Variants in ST3GAL3 observed in about 807,000 individuals in gnomAD.
The protein encoded by ST3GAL3 is ST3 beta-galactoside alpha-2,3-sialyltransferase 3.
Under a neutral mutation model 50.1 loss-of-function variants are expected in ST3GAL3, and 21 were observed. That is an observed-to-expected ratio of 0.42 (90% CI 0.30 to 0.60). ST3GAL3 has a LOEUF of 0.60. Among genes scored for constraint, ST3GAL3 ranks in the 20% least tolerant of loss-of-function variants. ST3GAL3 has a pLI of 0.19. For missense variants in ST3GAL3, 353 were observed against 489.4 expected, an observed-to-expected ratio of 0.72 and a Z score of 2.63; for synonymous variants, 183 against 190.0, an observed-to-expected ratio of 0.96 and a Z score of 0.30.
In ST3GAL3 at chr1:43,917,855, A is replaced by G. The variant is rs1471628261; in HGVS notation, c.745-2549A>G. On this transcript the variant is annotated intron_variant, in intron 9 of 11. Coordinates refer to ENST00000347631, the MANE Select transcript of ST3GAL3 (RefSeq NM_006279.5). ...GGCTAATTTTTGTATTTTTTGGTAGAAACGGGGTTTCACCATGTTGGCCAG... is the reference window on the plus strand; with the variant it reads ...GGCTAATTTTTGTATTTTTTGGTAGGAACGGGGTTTCACCATGTTGGCCAG... Among the ~76,000 whole-genome samples the G allele has an allele frequency of 6.8e-5, 10 of 147,672 alleles. No homozygotes were observed. The Admixed American group carries it at 7.0e-4, about 10-fold the overall frequency.
chr1:43,832,574 A>G (rs897483145), intron 4 of ST3GAL3, among the ~76,000 whole-genome samples: 2 of 152,184 alleles, frequency 1.3e-5, no homozygotes, highest in African/African-American at 2.4e-5. Flanking sequence ...ACTGGTGACA[A>G]TGCAAGCAAG....
chr1:43,767,615 G>GA (rs1461558834), intron 2 of ST3GAL3, among the ~76,000 whole-genome samples: 1 of 141,284 alleles, frequency 7.1e-6, no homozygotes, highest in Non-Finnish European at 1.5e-5. Context: ...TTGGGTCAAA[G>GA]AAAAAATCAT....
rs777148326 is a variant in ST3GAL3 at position 43,899,488 on chromosome 1, A to G, written c.558-53A>G. The G allele has an allele frequency of 4.0e-5, 64 of 1,605,918 alleles. No homozygotes were observed. Among genetic ancestry groups the G allele is most frequent in the Middle Eastern group, 1.6e-4 (1 of 6,084 alleles). On this transcript the variant is annotated intron_variant, in intron 8 of 11. Coordinates refer to ENST00000347631, the MANE Select transcript of ST3GAL3 (RefSeq NM_006279.5). The surrounding 1 kb of genome is among the most constrained non-coding windows in gnomAD (Gnocchi z 5.4). ...TCCATGCCTGGGATAGTCTGGGGTC[A>G]TGGTGCCTTCCCAAACACAGGCCCA...
chr1:43,837,018 G>A (rs942151443), intron 4 of ST3GAL3, among the ~76,000 whole-genome samples: 3 of 152,152 alleles, frequency 2.0e-5, no homozygotes, highest in Non-Finnish European at 4.4e-5. Context: ...GGGTCATTTT[G>A]TTCCTTAAGA....
chr1:43,831,098 G>A (rs987820752), intron 4 of ST3GAL3, among the ~76,000 whole-genome samples: 1 of 152,208 alleles, frequency 6.6e-6, no homozygotes, highest in Non-Finnish European at 1.5e-5. Flanking sequence ...AAGGAAACCA[G>A]TTGTGTCTTA....
chr1:43,742,392 G>T (rs553530005), intron 2 of ST3GAL3, among the ~76,000 whole-genome samples: 39 of 152,190 alleles, frequency 2.6e-4, no homozygotes, highest in Middle Eastern at 6.8e-3. Flanking sequence ...AAAATGCCAT[G>T]GGCTTTCCTC....
At chr1:43,850,464 C>G in intron 5 of ST3GAL3, 1 of 599,728 alleles carries the variant, frequency 1.7e-6, no homozygotes. Context: ...TAGCTCTATC[C>G]CTCTGTGGAT....
intron 5 of ST3GAL3, among the ~76,000 whole-genome samples, chr1:43,877,162 A>G (rs2074272282): frequency 6.6e-6 from 1 of 152,224 alleles, no homozygotes; most frequent in South Asian, 2.1e-4. Flanking sequence ...CTCCAAAGTC[A>G]GGAACAATGT....
chr1:43,893,331 C>A (rs2076920283), intron 5 of ST3GAL3, among the ~76,000 whole-genome samples: 1 of 152,226 alleles, frequency 6.6e-6, no homozygotes, highest in African/African-American at 2.4e-5. Flanking sequence ...TCCACACATT[C>A]ATTTATGGCC....
At chr1:43,882,939 T>TTTCA (rs2075376596) in intron 5 of ST3GAL3, among the ~76,000 whole-genome samples, 3 of 114,640 alleles carry the variant, frequency 2.6e-5, no homozygotes, top group Non-Finnish European at 3.8e-5. Context: ...GTGCCCATTC[T>TTTCA]TTTATTTATT....
intron 3 of ST3GAL3, among the ~76,000 whole-genome samples, chr1:43,807,370 C>T (rs1334094883): frequency 2.6e-5 from 4 of 151,794 alleles, no homozygotes; most frequent in East Asian, 1.9e-4. Context: ...GAGCCGAGAT[C>T]GTGCCACTGC....
At chr1:43,878,948 A>G (rs927474509) in intron 5 of ST3GAL3, 1 of 450,560 alleles carries the variant, frequency 2.2e-6, no homozygotes. Flanking sequence ...CCTCCAGATA[A>G]TTACACCCTC....
At chr1:43,823,380 C>G (rs557922106) in intron 4 of ST3GAL3, among the ~76,000 whole-genome samples, 1 of 152,112 alleles carries the variant, frequency 6.6e-6, no homozygotes, top group South Asian at 2.1e-4. Context: ...TGCTGTGATT[C>G]GGATATTCCA....
At chr1:43,917,639 TATA>T (rs1351113237) in intron 9 of ST3GAL3, among the ~76,000 whole-genome samples, 2 of 74,358 alleles carry the variant, frequency 2.7e-5, no homozygotes, top group African/African-American at 5.3e-5. Flanking sequence ...TAATATATAA[TATA>T]ATATATAATA....
chr1:43,769,325 C>T (rs1241754350), intron 2 of ST3GAL3, among the ~76,000 whole-genome samples: 1 of 152,114 alleles, frequency 6.6e-6, no homozygotes, highest in Non-Finnish European at 1.5e-5. Context: ...TGAAAGTTTT[C>T]CCTTCAAGAT....
At chr1:43,850,190 C>T (rs1408780438) in intron 5 of ST3GAL3, 1 of 260,284 alleles carries the variant, frequency 3.8e-6, no homozygotes, top group African/African-American at 2.2e-5. Context: ...TCAAAGGAAA[C>T]AAGTGTCAGT....
At chr1:43,715,057 T>C (rs576407315) in intron 1 of ST3GAL3, among the ~76,000 whole-genome samples, 4 of 152,322 alleles carry the variant, frequency 2.6e-5, no homozygotes, top group African/African-American at 9.6e-5. Flanking sequence ...TATGTATTTT[T>C]AACACAGCTT....
At chr1:43,827,701 CAG>C (rs1334624032) in intron 4 of ST3GAL3, among the ~76,000 whole-genome samples, 9 of 151,954 alleles carry the variant, frequency 5.9e-5, no homozygotes, top group Non-Finnish European at 1.0e-4. Context: ...TTTGTAGAGT[CAG>C]GGTCCGCTAT....
chr1:43,831,369 A>G (rs1455391609), intron 4 of ST3GAL3, among the ~76,000 whole-genome samples: 1 of 152,252 alleles, frequency 6.6e-6, no homozygotes, highest in Non-Finnish European at 1.5e-5. Flanking sequence ...CATGTATGAT[A>G]TATTGACTTA....
Sources: allele counts gnomAD v4.1 joint callset (sites outside exome capture counted in the v4.1 genomes callset), GRCh38; gene constraint gnomAD v4.1.1; non-coding constraint Gnocchi (gnomAD v3.1); transcripts MANE v1.5; gene names NCBI Gene and HGNC (gene_info 2026-07-23, HGNC 2026-07-21).